The following TLK1 variants were observed in gnomAD, a reference collection of about 807,000 sequenced individuals.
TLK1 encodes serine/threonine-protein kinase tousled-like 1.
In TLK1, 24 loss-of-function variants were observed where a neutral mutation model predicts 105.3. The ratio of observed to expected loss-of-function variants is 0.23; its 90% CI spans 0.17 to 0.32. The LOEUF (loss-of-function observed/expected upper bound fraction) is 0.32. TLK1 is among the 10% of genes least tolerant of loss of function. TLK1 has a pLI of 1.00. For synonymous variants in TLK1, 321 were observed against 310.4 expected (o/e 1.03, Z -0.36); for missense variants, 558 against 910.5 (o/e 0.61, Z 4.98).
At chr2:171,113,632 A>G (rs1205351410) in intron 2 of TLK1, among the ~76,000 whole-genome samples, 1 of 152,222 alleles carries the variant, frequency 6.6e-6, no homozygotes, top group Non-Finnish European at 1.5e-5. Flanking sequence ...AGTCATATGT[A>G]TGATAAAGAT....
At chr2:171,161,715 ATAATT>A (rs1692504377), upstream of TLK1, among the ~76,000 whole-genome samples, 1 of 152,340 alleles carries the variant, frequency 6.6e-6, no homozygotes, top group Non-Finnish European at 1.5e-5. Context: ...CTAGAAACTT[ATAATT>A]TGTTTCTAGT....
At chr2:171,000,246 C>T (rs1444140292) in intron 18 of TLK1, among the ~76,000 whole-genome samples, 1 of 151,710 alleles carries the variant, frequency 6.6e-6, no homozygotes, top group East Asian at 1.9e-4. Flanking sequence ...GGCATGGTGG[C>T]GGGCACCTGT....
Position 171,160,784 on chromosome 2 carries a change from C to A in TLK1, c.-356G>T. The A allele has an allele frequency of 1.2e-5, 5 of 402,504 alleles. No individual in the cohort carries two copies. The highest frequency in any genetic ancestry group is 2.2e-5 in the Non-Finnish European group (5 of 230,392). The allele number at this position is 402,504 out of a possible 1,614,324, so 24.9% of individuals were successfully genotyped here. Reference sequence around the variant, plus strand: ...CGGGCTGCGCCGGCCGAGGACACTTCCGCGGGCGGAACCTGCCGGCACCTC... The same window carrying A: ...CGGGCTGCGCCGGCCGAGGACACTTACGCGGGCGGAACCTGCCGGCACCTC... On this transcript the variant is annotated 5_prime_UTR_variant, in exon 1 of 21. Coordinates refer to ENST00000431350, the MANE Select transcript of TLK1 (RefSeq NM_012290.5). This position sits in a 1 kb window ranked among gnomAD's most constrained non-coding sequence, Gnocchi z 4.4.
chr2:171,023,141 A>G (rs1334716173), intron 12 of TLK1: 1 of 471,146 alleles, frequency 2.1e-6, no homozygotes, highest in South Asian at 1.5e-5. Context: ...TTCAGAACGG[A>G]GGCACAAGGA....
chr2:171,066,891 A>T, intron 3 of TLK1: 1 of 1,552,230 alleles, frequency 6.4e-7, no homozygotes, highest in Non-Finnish European at 8.7e-7. Flanking sequence ...CATTTAGAAC[A>T]ACTGCTGAAG....
At position 171,160,224 on chromosome 2, in the gene TLK1, G is replaced by GGCGGGGGGA; in HGVS notation, c.139+65_139+66insTCCCCCCGC. On this transcript the variant is annotated intron_variant, in intron 1 of 20. Transcript: ENST00000431350. This position sits in a 1 kb window ranked among gnomAD's most constrained non-coding sequence, Gnocchi z 4.4. ...GCCCCGGGGCGGGGGGGGCGGGGGG[G>GGCGGGGGGA]GGGCGCGGGGGTCCGCGGCGCGGGA... The GGCGGGGGGA allele has an allele frequency of 7.8e-7, 1 of 1,285,598 alleles. No individual in the cohort carries two copies. The allele number at this position is 1,285,598 out of a possible 1,614,324, so 79.6% of individuals were successfully genotyped here. A position where few individuals can be genotyped will look rare whatever the true frequency, so the allele number is the denominator to read the frequency against.
At chr2:171,146,837 G>A (rs112714663) in intron 1 of TLK1, among the ~76,000 whole-genome samples, 325 of 152,294 alleles carry the variant, frequency 2.1e-3, no homozygotes, top group African/African-American at 7.6e-3. Context: ...ACTGGAAACA[G>A]TTGCTCAATG....
At chr2:171,017,537 T>C (rs539629730) in intron 12 of TLK1, among the ~76,000 whole-genome samples, 2 of 152,342 alleles carry the variant, frequency 1.3e-5, no homozygotes, top group Non-Finnish European at 1.5e-5. Context: ...AAATAGGTTG[T>C]TGATGAACAT....
At chr2:171,071,525 G>A (rs1451508932) in intron 3 of TLK1, among the ~76,000 whole-genome samples, 3 of 152,110 alleles carry the variant, frequency 2.0e-5, no homozygotes, top group South Asian at 2.1e-4. Context: ...CTGACATAGT[G>A]ATCTGCCTGC....
chr2:171,199,345 T>C (rs979193525), intron 1 of TLK1, among the ~76,000 whole-genome samples: 3 of 152,120 alleles, frequency 2.0e-5, no homozygotes, highest in East Asian at 3.8e-4. Context: ...ACCCTATCTC[T>C]ACAAATAATT....
intron 3 of TLK1, among the ~76,000 whole-genome samples, chr2:171,062,764 T>C (rs1207754810): frequency 6.6e-6 from 1 of 152,190 alleles, no homozygotes; most frequent in Non-Finnish European, 1.5e-5. Context: ...ACTAACTAAA[T>C]GAATCTACTA....
At chr2:171,028,225 AT>A (rs1408109691) in intron 12 of TLK1, 113 bp downstream of exon 12, 1 of 720,766 alleles carries the variant, frequency 1.4e-6, no homozygotes, top group Non-Finnish European at 2.4e-6. Context: ...GAAATTTTTA[AT>A]TTGAAATCTT....
chr2:171,065,698 C>T (rs1432357083), intron 3 of TLK1, among the ~76,000 whole-genome samples: 1 of 152,050 alleles, frequency 6.6e-6, no homozygotes, highest in African/African-American at 2.4e-5. Context: ...CCACTATGCC[C>T]GGCTAATTTT....
intron 3 of TLK1, among the ~76,000 whole-genome samples, chr2:171,063,825 T>G (rs1216885103): frequency 6.6e-6 from 1 of 152,222 alleles, no homozygotes; most frequent in Non-Finnish European, 1.5e-5. Flanking sequence ...TAACATGCAC[T>G]GGCTATCTCC....
At chr2:171,201,906 T>G (rs1420639950) in intron 1 of TLK1, among the ~76,000 whole-genome samples, 1 of 143,574 alleles carries the variant, frequency 7.0e-6, no homozygotes, top group Admixed American at 6.9e-5. Context: ...ATCATCTATC[T>G]ATCTATCTAT....
At chr2:171,167,830 A>G (rs771333212) in intron 1 of TLK1, among the ~76,000 whole-genome samples, 1 of 152,192 alleles carries the variant, frequency 6.6e-6, no homozygotes, top group Non-Finnish European at 1.5e-5. Context: ...GCTATCCTCC[A>G]AGGACATGGT....
chr2:171,160,195 A>C lies in TLK1; in HGVS notation c.139+95T>G, dbSNP rs1271985876. 1.7e-6 allele frequency: 2 copies of C among 1,177,236 alleles called. No individual in the cohort carries two copies. Among genetic ancestry groups the C allele is most frequent in the African/African-American group, 4.4e-5 (2 of 45,330 alleles). The allele number at this position is 1,177,236 out of a possible 1,614,324, so 72.9% of individuals were successfully genotyped here. ...CATCCCCCACCCCAGGGTCTGGCGG[A>C]GAAGCCCCGGGGCGGGGGGGGCGGG... On this transcript the variant is annotated intron_variant, in intron 1 of 20. Transcript: ENST00000431350. This position sits in a 1 kb window ranked among gnomAD's most constrained non-coding sequence, Gnocchi z 4.4.
At chr2:171,023,063 T>C in intron 12 of TLK1, 1 of 471,140 alleles carries the variant, frequency 2.1e-6, no homozygotes, top group South Asian at 1.5e-5. Context: ...GTTGTTTCTC[T>C]TTGCAGGTGC....
intron 10 of TLK1, 28 bp downstream of exon 10, chr2:171,049,786 A>G (rs773792210): frequency 1.2e-6 from 2 of 1,610,592 alleles, no homozygotes; most frequent in African/African-American, 2.7e-5. Context: ...CGAATACTAA[A>G]AACTTTTAAA....
Sources: allele counts gnomAD v4.1 joint callset (sites outside exome capture counted in the v4.1 genomes callset), GRCh38; gene constraint gnomAD v4.1.1; non-coding constraint Gnocchi (gnomAD v3.1); transcripts MANE v1.5; gene names NCBI Gene and HGNC (gene_info 2026-07-23, HGNC 2026-07-21).